Variants in BLTP1 observed in about 807,000 individuals in gnomAD.
The protein encoded by BLTP1 is fragile site-associated protein.
the BLTP1 span, chr4:122,249,700 A>C: frequency 6.2e-7 from 1 of 1,613,094 alleles, no homozygotes; most frequent in Non-Finnish European, 8.5e-7. Context: ...TTTTTTATTG[A>C]ATTCTGCTTA....
At chr4:122,205,204 C>T in the BLTP1 span, among the ~76,000 whole-genome samples, 2 of 151,798 alleles carry the variant, frequency 1.3e-5, no homozygotes, top group African/African-American at 2.4e-5. Context: ...ACAAGGAAAA[C>T]TACTTTAAAT....
the BLTP1 span, among the ~76,000 whole-genome samples, chr4:122,218,571 T>C: frequency 6.6e-6 from 1 of 152,208 alleles, no homozygotes; most frequent in Non-Finnish European, 1.5e-5. Flanking sequence ...GTGCAGAATT[T>C]ACCAAAATAC....
At chr4:122,203,977 A>G in the BLTP1 span, 1 of 278,876 alleles carries the variant, frequency 3.6e-6, no homozygotes, top group Non-Finnish European at 5.4e-6. Context: ...TTTCACTAGC[A>G]ATCGTATCTC....
the BLTP1 span, chr4:122,254,347 G>T: frequency 6.3e-7 from 1 of 1,596,630 alleles, no homozygotes; most frequent in Non-Finnish European, 8.6e-7. Context: ...CATTTTCTAG[G>T]TAAAGAGTTT....
the BLTP1 span, chr4:122,246,218 G>T: frequency 3.1e-6 from 5 of 1,606,910 alleles, no homozygotes; most frequent in Non-Finnish European, 8.5e-7. Context: ...GACTAACCAA[G>T]GACAAGCACA....
At chr4:122,161,186 G>T in the BLTP1 span, 1 of 944,578 alleles carries the variant, frequency 1.1e-6, no homozygotes, top group Non-Finnish European at 1.3e-6. Flanking sequence ...TAATATAATG[G>T]TGTGAAGATT....
chr4:122,281,586 C>T, the BLTP1 span: 5 of 1,612,106 alleles, frequency 3.1e-6, no homozygotes, highest in Non-Finnish European at 3.4e-6. Flanking sequence ...TCTGAAAAAA[C>T]CCCAACAAGT....
the BLTP1 span, chr4:122,172,218 T>G: frequency 8.9e-6 from 5 of 559,682 alleles, no homozygotes; most frequent in African/African-American, 2.0e-5. Flanking sequence ...CATAATTGTT[T>G]AAAAGTTAAG....
chr4:122,248,608 AAATT>A, the BLTP1 span, among the ~76,000 whole-genome samples: 2 of 152,198 alleles, frequency 1.3e-5, no homozygotes, highest in East Asian at 1.9e-4. Context: ...AAATACAAAA[AAATT>A]AAATAATGAG....
the BLTP1 span, chr4:122,331,077 T>A: frequency 1.0e-6 from 1 of 966,620 alleles, no homozygotes; most frequent in Non-Finnish European, 1.2e-6. Flanking sequence ...TTTTATATAC[T>A]GATATTCAGA....
At chr4:122,220,419 G>T in the BLTP1 span, 2 of 1,612,186 alleles carry the variant, frequency 1.2e-6, no homozygotes, top group Non-Finnish European at 1.7e-6. Context: ...GGGAGACCAT[G>T]CTGCAACTTA....
chr4:122,219,274 C>A, the BLTP1 span: 1 of 1,563,438 alleles, frequency 6.4e-7, no homozygotes, highest in Non-Finnish European at 8.7e-7. Flanking sequence ...CAAATTTAGG[C>A]TCATAGGTGA....
the BLTP1 span, among the ~76,000 whole-genome samples, chr4:122,341,348 A>G: frequency 6.6e-6 from 1 of 152,118 alleles, no homozygotes; most frequent in Non-Finnish European, 1.5e-5. Flanking sequence ...ATCATTGTCA[A>G]TGTGATGGAT....
chr4:122,271,274 G>A, the BLTP1 span: 2 of 1,613,904 alleles, frequency 1.2e-6, no homozygotes, highest in East Asian at 2.2e-5. Flanking sequence ...AATGATAGAT[G>A]ACATCAAAGC....
chr4:122,257,305 G>A, the BLTP1 span: 1 of 1,613,790 alleles, frequency 6.2e-7, no homozygotes, highest in Non-Finnish European at 8.5e-7. Context: ...TAGTTGCACT[G>A]GCAAGGCAGT....
chr4:122,289,554 T>C, the BLTP1 span: 8 of 984,992 alleles, frequency 8.1e-6, no homozygotes, highest in Non-Finnish European at 9.6e-6. Flanking sequence ...GATGGCTATA[T>C]GCTGGCAGCA....
At chr4:122,352,883 T>C in the BLTP1 span, 1 of 1,612,222 alleles carries the variant, frequency 6.2e-7, no homozygotes, top group South Asian at 1.1e-5. Flanking sequence ...TCAGGATATG[T>C]GTTTTTTGGT....
chr4:122,340,009 A>T, the BLTP1 span, among the ~76,000 whole-genome samples: 1 of 152,160 alleles, frequency 6.6e-6, no homozygotes. Flanking sequence ...TGAAATAGAG[A>T]TCACACATGC....
the BLTP1 span, chr4:122,289,647 C>T: frequency 4.0e-5 from 39 of 983,870 alleles, no homozygotes; most frequent in African/African-American, 6.6e-4. Context: ...CATTGCTCTA[C>T]ATTTTTCACA....
Sources: gnomAD v4.1 joint callset for allele counts (sites outside exome capture counted in the v4.1 genomes callset) on GRCh38, gnomAD v4.1.1 for gene constraint, MANE v1.5 for transcripts, NCBI Gene and HGNC (gene_info 2026-07-23, HGNC 2026-07-21) for gene names.